Variants in AJAP1 observed in about 807,000 individuals in gnomAD.
AJAP1 encodes adherens junctions associated protein 1, also known as adherens junction-associated protein 1.
A neutral mutation model predicts 35.0 loss-of-function variants in AJAP1; 5 were observed. The ratio of observed to expected loss-of-function variants is 0.14; its 90% CI spans 0.07 to 0.30. The LOEUF (loss-of-function observed/expected upper bound fraction) is 0.30. Among genes scored for constraint, AJAP1 ranks in the 10% least tolerant of loss-of-function variants. The probability of loss-of-function intolerance (pLI) is 1.00; values close to 1 mark genes in which losing one functional copy is unlikely to be tolerated. For missense variants in AJAP1, 586 were observed against 571.0 expected, an observed-to-expected ratio of 1.03 and a Z score of -0.27; for synonymous variants, 284 against 249.3, an observed-to-expected ratio of 1.14 and a Z score of -1.31.
chr1:4,776,049 C>T (rs1289066934), intron 5 of AJAP1, among the ~76,000 whole-genome samples: 1 of 152,228 alleles, frequency 6.6e-6, no homozygotes, highest in Non-Finnish European at 1.5e-5. Context: ...AATTCATTGA[C>T]CTGGGAGATG....
chr1:4,657,341 A>G (rs1638904356), intron 1 of AJAP1, among the ~76,000 whole-genome samples: 2 of 151,970 alleles, frequency 1.3e-5, no homozygotes, highest in Admixed American at 1.3e-4. Context: ...ATTTTCTGTA[A>G]GTGTGCCTTT....
At chr1:4,684,490 C>A (rs1179080649) in intron 1 of AJAP1, among the ~76,000 whole-genome samples, 1 of 152,144 alleles carries the variant, frequency 6.6e-6, no homozygotes, top group Non-Finnish European at 1.5e-5. Flanking sequence ...GCCTGGCCAC[C>A]TGGGGGAGGG....
At chr1:4,716,496 G>A (rs1355362794) in intron 2 of AJAP1, among the ~76,000 whole-genome samples, 1 of 152,144 alleles carries the variant, frequency 6.6e-6, no homozygotes, top group South Asian at 2.1e-4. Context: ...GGGTGGTGAT[G>A]GTGATGATGA....
chr1:4,746,950 G>A lies in AJAP1; in HGVS notation c.830-22903G>A, dbSNP rs149221000. The stretch of plus-strand genomic sequence containing the variant: ...CTGTGGGTCTTGATAGGAGCGCCAA[G>A]GTAAAAGCACCAGATTAGTCTGCAG... On this transcript the variant is annotated intron_variant, in intron 2 of 5. Transcript: ENST00000378191. Among the ~76,000 whole-genome samples the A allele has an allele frequency of 4.2e-3, 640 of 152,314 alleles. 6 individuals are homozygous for A. Among genetic ancestry groups the A allele is most frequent in the African/African-American group, 0.014 (584 of 41,574 alleles).
intron 1 of AJAP1, among the ~76,000 whole-genome samples, chr1:4,673,705 G>A (rs543491449): frequency 1.3e-5 from 2 of 152,304 alleles, no homozygotes; most frequent in South Asian, 2.1e-4. Flanking sequence ...TCCTGGCTTT[G>A]TGTCTCTGGA....
chr1:4,742,204 C>T (rs1641082842), intron 2 of AJAP1, among the ~76,000 whole-genome samples: 1 of 149,276 alleles, frequency 6.7e-6, no homozygotes, highest in Non-Finnish European at 1.5e-5. Context: ...AGATCCTTTG[C>T]AGGCACCTCT....
intron 2 of AJAP1, among the ~76,000 whole-genome samples, chr1:4,725,054 C>G (rs1473948193): frequency 2.0e-5 from 3 of 152,194 alleles, no homozygotes. Flanking sequence ...CCAGAGCGAG[C>G]AATGAAACTG....
chr1:4,740,419 A>AGGGGGAGGGGG (rs1641033209), intron 2 of AJAP1, among the ~76,000 whole-genome samples: 1 of 151,844 alleles, frequency 6.6e-6, no homozygotes, highest in Non-Finnish European at 1.5e-5. Flanking sequence ...GAAAATGAAA[A>AGGGGGAGGGGG]AGTTCTGGAG....
chr1:4,698,277 C>G (rs778908039), intron 1 of AJAP1, among the ~76,000 whole-genome samples: 29 of 152,150 alleles, frequency 1.9e-4, no homozygotes, highest in African/African-American at 6.5e-4. Context: ...CGCCGCTGTC[C>G]CCTGAGAGCC....
intron 1 of AJAP1, among the ~76,000 whole-genome samples, chr1:4,702,264 T>A (rs1278492238): frequency 6.6e-6 from 1 of 152,182 alleles, no homozygotes; most frequent in African/African-American, 2.4e-5. Flanking sequence ...GATCTCAGGT[T>A]CCCTGAGGCC....
intron 1 of AJAP1, among the ~76,000 whole-genome samples, chr1:4,684,949 C>A (rs2100215220): frequency 6.6e-6 from 1 of 152,280 alleles, no homozygotes; most frequent in South Asian, 2.1e-4. Context: ...CAGACCTGAT[C>A]CCAAGCCATT....
chr1:4,739,946 C>G (rs1641019078), intron 2 of AJAP1, among the ~76,000 whole-genome samples: 1 of 152,192 alleles, frequency 6.6e-6, no homozygotes, highest in South Asian at 2.1e-4. Context: ...GGATGGCTTC[C>G]CACCATGGTG....
At chr1:4,662,713 G>T (rs190691418) in intron 1 of AJAP1, among the ~76,000 whole-genome samples, 5 of 152,340 alleles carry the variant, frequency 3.3e-5, no homozygotes, top group East Asian at 1.9e-4. Flanking sequence ...GGTGGGATAG[G>T]CTCCTCCCTC....
At chr1:4,657,177 G>A (rs974681425) in intron 1 of AJAP1, among the ~76,000 whole-genome samples, 2 of 152,180 alleles carry the variant, frequency 1.3e-5, no homozygotes, top group African/African-American at 2.4e-5. Flanking sequence ...CAAATATCTT[G>A]GAAAGAAGCC....
chr1:4,675,502 G>A (rs1003743839), intron 1 of AJAP1, among the ~76,000 whole-genome samples: 4 of 152,166 alleles, frequency 2.6e-5, no homozygotes, highest in African/African-American at 7.2e-5. Context: ...TATTACTGGG[G>A]CCTCTTAACA....
rs976802118 is a variant in AJAP1 at position 4,782,541 on chromosome 1, A to G, written c.*60-4A>G. On this transcript the variant is annotated splice_polypyrimidine_tract_variant and splice_region_variant and intron_variant, in intron 5 of 5. Coordinates refer to ENST00000378191, the MANE Select transcript of AJAP1 (RefSeq NM_018836.4). This position sits in a 1 kb window ranked among gnomAD's most constrained non-coding sequence, Gnocchi z 5.3. ...TAATCTCTTCTTGTTTTCTTTCCAC[A>G]CAGGATTCCGTTGGTGAACCTGTAA... 65 of 386,464 alleles carry G rather than the reference A, an allele frequency of 1.7e-4. No homozygotes were observed. Among genetic ancestry groups the G allele is most frequent in the Non-Finnish European group, 2.0e-4 (43 of 219,002 alleles). The allele number at this position is 386,464 out of a possible 1,614,324, so 23.9% of individuals were successfully genotyped here.
intron 2 of AJAP1, among the ~76,000 whole-genome samples, chr1:4,732,124 T>C (rs3766964): frequency 0.31 from 47,711 of 152,248 alleles, 7,650 homozygotes; most frequent in African/African-American, 0.36. Flanking sequence ...GGTCTCTGAA[T>C]GTTCATACAG....
At chr1:4,699,767 TCCAGAGAAAGA>T (rs1490660001) in intron 1 of AJAP1, among the ~76,000 whole-genome samples, 1 of 152,178 alleles carries the variant, frequency 6.6e-6, no homozygotes, top group Non-Finnish European at 1.5e-5. Context: ...GAGACTTCAT[TCCAGAGAAAGA>T]CACAGCTACT....
At chr1:4,672,072 G>A (rs12138000) in intron 1 of AJAP1, among the ~76,000 whole-genome samples, 31,574 of 152,166 alleles carry the variant, frequency 0.21, 4,175 homozygotes, top group Middle Eastern at 0.38. Context: ...GAATCATGTC[G>A]TAACACACAC....
Sources: allele counts gnomAD v4.1 joint callset (sites outside exome capture counted in the v4.1 genomes callset), GRCh38; gene constraint gnomAD v4.1.1; non-coding constraint Gnocchi (gnomAD v3.1); transcripts MANE v1.5; gene names NCBI Gene and HGNC (gene_info 2026-07-23, HGNC 2026-07-21).